The following XIRP2 variants were observed in gnomAD, a reference collection of about 807,000 sequenced individuals.
The protein encoded by XIRP2 is xin actin binding repeat containing 2, also known as xin actin-binding repeat-containing protein 2.
Under a neutral mutation model 277.0 loss-of-function variants are expected in XIRP2, and 236 were observed. That is an observed-to-expected ratio of 0.85 (90% CI 0.77 to 0.95). The LOEUF is 0.95. Among genes scored for constraint, XIRP2 ranks in the 40% least tolerant of loss-of-function variants. The probability of loss-of-function intolerance (pLI) is 0.00; values close to 1 mark genes in which losing one functional copy is unlikely to be tolerated. For missense variants in XIRP2, 4,640 were observed against 4,157.5 expected (o/e 1.12, Z -3.19); for synonymous variants, 1,490 against 1,416.5 (o/e 1.05, Z -1.17).
intron 2 of XIRP2, among the ~76,000 whole-genome samples, chr2:166,984,405 G>A (rs553216679): frequency 3.3e-5 from 5 of 152,150 alleles, no homozygotes; most frequent in African/African-American, 9.6e-5. Flanking sequence ...GAAGTCATGT[G>A]ATAAAATCAG....
chr2:167,160,203 A>C (rs1692324372), intron 3 of XIRP2, among the ~76,000 whole-genome samples: 1 of 152,204 alleles, frequency 6.6e-6, no homozygotes. Context: ...TGTTGTTCTC[A>C]TTATAAATCT....
intron 2 of XIRP2, among the ~76,000 whole-genome samples, chr2:167,036,900 C>G (rs1157366366): frequency 6.6e-6 from 1 of 152,132 alleles, no homozygotes; most frequent in Admixed American, 6.6e-5. Context: ...ATGGGTTTAT[C>G]AGGGGTTTCC....
intron 3 of XIRP2, among the ~76,000 whole-genome samples, chr2:167,188,407 G>A (rs1013277310): frequency 6.6e-6 from 1 of 152,138 alleles, no homozygotes; most frequent in Non-Finnish European, 1.5e-5. Flanking sequence ...AGCTGGTGCT[G>A]AACCAAAAGA....
At chr2:167,187,389 A>G (rs1693188020) in intron 3 of XIRP2, 1 of 985,256 alleles carries the variant, frequency 1.0e-6, no homozygotes, top group African/African-American at 1.7e-5. Flanking sequence ...CCTTCAGTGG[A>G]GCGGGCCTCC....
intron 2 of XIRP2, among the ~76,000 whole-genome samples, chr2:166,998,704 A>G (rs1687289044): frequency 6.6e-6 from 1 of 152,190 alleles, no homozygotes; most frequent in Admixed American, 6.6e-5. Context: ...ATGAAAAGAA[A>G]GATTAAGTTT....
chr2:167,126,129 G>A (rs534450893), intron 2 of XIRP2, among the ~76,000 whole-genome samples: 12 of 151,992 alleles, frequency 7.9e-5, no homozygotes, highest in Non-Finnish European at 1.6e-4. Flanking sequence ...AAGCTGCAAG[G>A]CTTCTTTCTT....
chr2:167,022,712 T>G (rs1324934562), intron 2 of XIRP2, among the ~76,000 whole-genome samples: 1 of 152,066 alleles, frequency 6.6e-6, no homozygotes, highest in Non-Finnish European at 1.5e-5. Context: ...CGGTTTTTTG[T>G]CCTTGCGGTA....
chr2:167,184,605 C>A, intron 3 of XIRP2: 1 of 717,448 alleles, frequency 1.4e-6, no homozygotes, highest in Middle Eastern at 2.3e-4. Context: ...TTGACAAAGA[C>A]CCCCAAGAAC....
chr2:166,912,729 T>C (rs1432679528), intron 2 of XIRP2, among the ~76,000 whole-genome samples: 3 of 152,200 alleles, frequency 2.0e-5, no homozygotes, highest in African/African-American at 7.2e-5. Context: ...TTCCCCATCT[T>C]TGTGGTTTTA....
intron 3 of XIRP2, among the ~76,000 whole-genome samples, chr2:167,161,301 C>T (rs546531073): frequency 5.3e-5 from 8 of 152,346 alleles, no homozygotes; most frequent in African/African-American, 1.9e-4. Flanking sequence ...AGGTGGTGCC[C>T]CAGTAGGGGC....
chr2:167,136,160 T>C, intron 3 of XIRP2, 98 bp downstream of exon 3: 1 of 1,237,626 alleles, frequency 8.1e-7, no homozygotes, highest in Non-Finnish European at 1.1e-6. Flanking sequence ...TAAAAATTAG[T>C]AAGGAAAATA....
intron 3 of XIRP2, among the ~76,000 whole-genome samples, chr2:167,148,314 A>C (rs1447970439): frequency 6.6e-6 from 1 of 151,574 alleles, no homozygotes; most frequent in Non-Finnish European, 1.5e-5. Context: ...CTCGGGAGGC[A>C]GAGGTTGCAG....
intron 2 of XIRP2, among the ~76,000 whole-genome samples, chr2:166,952,163 T>C (rs1686052889): frequency 1.3e-5 from 2 of 152,046 alleles, no homozygotes; most frequent in African/African-American, 4.8e-5. Context: ...CTTCATATAA[T>C]GATTTGTCAC....
At chr2:166,923,261 C>T (rs1685103122) in intron 2 of XIRP2, among the ~76,000 whole-genome samples, 2 of 152,010 alleles carry the variant, frequency 1.3e-5, no homozygotes, top group Admixed American at 1.3e-4. Context: ...ATTGCCATAG[C>T]AATGTGTTTT....
At position 167,242,947 on chromosome 2, in the gene XIRP2, A is replaced by C. The variant is rs986553498; in HGVS notation, c.1555A>C (p.Ser519Arg). The C allele has an allele frequency of 4.3e-6, 7 of 1,613,678 alleles. No individual in the cohort carries two copies. Among genetic ancestry groups the C allele is most frequent in the African/African-American group, 1.3e-5 (1 of 74,860 alleles). ...AAAAAACTTAGAAAAAGATTATATC[A>C]GTGAAGTTTCTGAGATTGTTTCTAG... ...LRKNLEKDYI[S>R]EVSEIVSSQM... The change falls in exon 9 of 11, where the codon AGT becomes CGT. Residue 519 changes from serine to arginine, a missense_variant. Ser to Arg is a moderately radical substitution (Grantham distance 110, BLOSUM62 -1). Transcript: ENST00000409195.
intron 2 of XIRP2, among the ~76,000 whole-genome samples, chr2:167,014,949 A>G (rs1217277517): frequency 2.6e-5 from 4 of 151,758 alleles, no homozygotes; most frequent in African/African-American, 9.7e-5. Flanking sequence ...ATTGCCTCTA[A>G]TCTCACCTCC....
intron 2 of XIRP2, among the ~76,000 whole-genome samples, chr2:166,941,689 T>G (rs1267958785): frequency 2.0e-5 from 3 of 152,234 alleles, no homozygotes; most frequent in Non-Finnish European, 4.4e-5. Flanking sequence ...TTAATGATGA[T>G]TTTTTCAGAA....
At chr2:167,074,521 A>G (rs980842471) in intron 2 of XIRP2, among the ~76,000 whole-genome samples, 1 of 152,292 alleles carries the variant, frequency 6.6e-6, no homozygotes, top group Middle Eastern at 3.4e-3. Context: ...CATATTTTTT[A>G]AAACAATGGA....
chr2:167,157,872 T>A (rs1024434510), intron 3 of XIRP2, among the ~76,000 whole-genome samples: 5 of 152,174 alleles, frequency 3.3e-5, no homozygotes, highest in African/African-American at 1.2e-4. Flanking sequence ...CAACACATTT[T>A]AGCTTGATAA....
Sources: allele counts gnomAD v4.1 joint callset (sites outside exome capture counted in the v4.1 genomes callset), GRCh38; gene constraint gnomAD v4.1.1; transcripts MANE v1.5; gene names NCBI Gene and HGNC (gene_info 2026-07-23, HGNC 2026-07-21).